Variants in ZNF850 observed in about 807,000 individuals in gnomAD.
ZNF850 encodes the protein putative zinc finger protein ENSP00000330994.
In ZNF850, 2 loss-of-function variants were observed where a neutral mutation model predicts 11.9. That is an observed-to-expected ratio of 0.17 (90% confidence interval 0.07 to 0.53). The LOEUF is 0.53. Among genes scored for constraint, ZNF850 ranks in the 20% least tolerant of loss-of-function variants. The probability of loss-of-function intolerance (pLI) is 0.94; values close to 1 mark genes in which losing one functional copy is unlikely to be tolerated. For synonymous variants in ZNF850, 381 were observed against 443.0 expected, an observed-to-expected ratio of 0.86 and a Z score of 1.76; for missense variants, 1,014 against 1,316.4, an observed-to-expected ratio of 0.77 and a Z score of 3.55.
In ZNF850 at chr19:36,750,697, A is replaced by G; in HGVS notation, c.343T>C (p.Ser115Pro). The G allele has an allele frequency of 2.0e-6, 3 of 1,536,222 alleles. No homozygotes were observed. Among genetic ancestry groups the G allele is most frequent in the Non-Finnish European group, 2.6e-6 (3 of 1,146,926 alleles). ...RMEKCHSLVG[S>P]SVRDDWECKG... ...CATTCCCAGTCATCTCTGACACTGG[A>G]GCCCACAAGGCTATGACATTTTTCC... is the stretch of plus-strand genomic sequence containing the variant. The change falls in exon 5 of 5, where the codon TCC becomes CCC. Residue 115 changes from serine to proline, a missense_variant. This residue lies in a region of ZNF850 where 835 missense variants were observed against 1,022.0 expected (regional missense o/e 0.82). Coordinates refer to ENST00000591344, the MANE Select transcript of ZNF850 (RefSeq NM_001193552.2).
Position 36,762,577 on chromosome 19 carries a change from G to A in ZNF850, c.12+18C>T. ...AGTGGGGAAGAGTAAAAAAATTAGT[G>A]TAACTTCAACAAAGTACCTCCATGT... On this transcript the variant is annotated intron_variant, in intron 2 of 4. Coordinates refer to ENST00000591344, the MANE Select transcript of ZNF850 (RefSeq NM_001193552.2). The A allele has an allele frequency of 1.3e-6, 2 of 1,535,984 alleles. No individual in the cohort carries two copies. The highest frequency in any genetic ancestry group is 3.3e-4 in the Middle Eastern group (2 of 5,982).
intron 1 of ZNF850, among the ~76,000 whole-genome samples, chr19:36,766,012 C>A (rs2040547272): frequency 6.6e-6 from 1 of 152,106 alleles, no homozygotes; most frequent in African/African-American, 2.4e-5. Flanking sequence ...CCTCAGCCAT[C>A]AAAGTAGCTA....
At position 36,750,024 on chromosome 19, in the gene ZNF850, CA is replaced by C; in HGVS notation, c.1015del (p.Cys339ValfsTer14). 1 of 1,544,644 alleles carries C rather than the reference CA, an allele frequency of 6.5e-7. No individual in the cohort carries two copies. The highest frequency in any genetic ancestry group is 2.4e-5 in the East Asian group (1 of 41,038). On this transcript the variant is annotated frameshift_variant, in exon 5 of 5. Coordinates refer to ENST00000591344, the MANE Select transcript of ZNF850 (RefSeq NM_001193552.2). LOFTEE classifies it low-confidence loss of function (END_TRUNC). ...AGCAAAAGATTTTCCACATTCCTTA[CA>C]ATCATACGGTTTCTCACCAGTGTGA... ...QIHTGEKPYD[C>X]KECGKSFASG...
At chr19:36,761,793 C>G in intron 3 of ZNF850, 55 bp from the exon 4 acceptor site, 1 of 1,130,344 alleles carries the variant, frequency 8.8e-7, no homozygotes, top group Non-Finnish European at 1.3e-6. Flanking sequence ...CTCCTATAAT[C>G]CCAGCACTTT....
intron 4 of ZNF850, 45 bp downstream of exon 4, chr19:36,761,598 C>T: frequency 8.5e-7 from 1 of 1,172,772 alleles, no homozygotes; most frequent in Middle Eastern, 1.9e-4. Flanking sequence ...GACAGGCTGG[C>T]TTCTAAACAG....
At chr19:36,756,435 A>G (rs2040486765) in intron 4 of ZNF850, among the ~76,000 whole-genome samples, 1 of 152,220 alleles carries the variant, frequency 6.6e-6, no homozygotes, top group Admixed American at 6.5e-5. Context: ...ATGTATGTGT[A>G]TCTATGTGTG....
At chr19:36,757,699 G>A (rs1286370320) in intron 4 of ZNF850, among the ~76,000 whole-genome samples, 1 of 151,882 alleles carries the variant, frequency 6.6e-6, no homozygotes, top group Non-Finnish European at 1.5e-5. Flanking sequence ...TTTTAGTAGA[G>A]ATGTTGTTTC....
In ZNF850 at chr19:36,744,915, T is replaced by G; in HGVS notation, c.*2852A>C. ...TGGGCGGGTCATGAGGTCAGGAGAT[T>G]GAGACCATCCTGGCTAACATGGTGA... On this transcript the variant is annotated 3_prime_UTR_variant, in exon 5 of 5. Transcript: ENST00000591344. 1 of 152,118 alleles carries G rather than the reference T, an allele frequency of 6.6e-6. No homozygotes were observed. Among genetic ancestry groups the G allele is most frequent in the Middle Eastern group, 3.4e-3 (1 of 296 alleles). The allele number at this position is 152,118 out of a possible 1,614,324, so 9.4% of individuals were successfully genotyped here.
Position 36,749,271 on chromosome 19 carries a change from T to G in ZNF850, c.1769A>C (p.His590Pro). Residue 590 changes from histidine (H) to proline (P), a missense_variant, in exon 5 of 5, where the codon CAC becomes CCC. His to Pro is a moderately conservative substitution (Grantham distance 77). Coordinates refer to ENST00000591344, the MANE Select transcript of ZNF850 (RefSeq NM_001193552.2). ...AAAAGATTTTCCACATTCCTTACAG[T>G]GATAGGGTTTCTCACCAGTGTGAAT... ...QRIHTGEKPYHCKECGKSFTV... is the reference protein window; with the variant it reads ...QRIHTGEKPYPCKECGKSFTV... 6.3e-7 allele frequency: 1 copy of G among 1,575,758 alleles called. No homozygotes were observed. The highest frequency in any genetic ancestry group is 8.6e-7 in the Non-Finnish European group (1 of 1,164,372).
At position 36,748,965 on chromosome 19, in the gene ZNF850, C is replaced by A; in HGVS notation, c.2075G>T (p.Arg692Leu). 1 of 1,594,276 alleles carries A rather than the reference C, an allele frequency of 6.3e-7. No individual in the cohort carries two copies. Residue 692 changes from arginine (R) to leucine (L), a missense_variant, in exon 5 of 5, where the codon CGG (arginine) becomes CTG (leucine). Arg to Leu is a moderately radical substitution (Grantham distance 102, BLOSUM62 -2). This residue lies in a region of ZNF850 where 835 missense variants were observed against 1,022.0 expected (regional missense o/e 0.82). Transcript: ENST00000591344. ...AGGTTTCTCACCAGTATGAATTCTCCGATGTTGATTAAGGTATGTACGCTG... is the reference window on the plus strand; with the variant it reads ...AGGTTTCTCACCAGTATGAATTCTCAGATGTTGATTAAGGTATGTACGCTG... ...FRQRTYLNQH[R>L]RIHTGEKPYE...
Position 36,748,812 on chromosome 19 carries a change from G to T in ZNF850, c.2228C>A (p.Thr743Lys), listed in dbSNP as rs775068126. The change falls in exon 5 of 5, where the codon ACA becomes AAA. Residue 743 changes from threonine (T) to lysine (K), a missense_variant. By Grantham distance (78) the Thr-to-Lys change is moderately conservative. Around this residue, in one of 2 missense-constraint regions of ZNF850, gnomAD observed 835 missense variants for 1,022.0 expected, o/e 0.82. Transcript: ENST00000591344. ...ECGKSFTSHS[T>K]LIQHQQIHTG... ...GTGAATTTGCTGATGTTGAATTAGTGTTGAGTGAGAAGTAAAAGATTTCCC... is the reference window on the plus strand; with the variant it reads ...GTGAATTTGCTGATGTTGAATTAGTTTTGAGTGAGAAGTAAAAGATTTCCC... The T allele has an allele frequency of 6.5e-7, 1 of 1,547,836 alleles. No homozygotes were observed. Among genetic ancestry groups the T allele is most frequent in the South Asian group, 1.2e-5 (1 of 84,612 alleles).
intron 1 of ZNF850, among the ~76,000 whole-genome samples, chr19:36,768,143 C>T (rs1301795694): frequency 6.6e-6 from 1 of 151,238 alleles, no homozygotes; most frequent in Non-Finnish European, 1.5e-5. Flanking sequence ...TGGTGGTGTA[C>T]ATCTGTGAAC....
At chr19:36,764,588 G>A (rs1420395158) in intron 1 of ZNF850, among the ~76,000 whole-genome samples, 1 of 152,148 alleles carries the variant, frequency 6.6e-6, no homozygotes, top group African/African-American at 2.4e-5. Flanking sequence ...TTCAAAGATA[G>A]TCTTCCTTTG....
chr19:36,751,609 A>G (rs193096802), intron 4 of ZNF850, among the ~76,000 whole-genome samples: 1 of 149,182 alleles, frequency 6.7e-6, no homozygotes, highest in Non-Finnish European at 1.5e-5. Context: ...GAGACAGGAG[A>G]ATCACTTGAG....
At chr19:36,757,488 C>T (rs2040493337) in intron 4 of ZNF850, among the ~76,000 whole-genome samples, 1 of 146,516 alleles carries the variant, frequency 6.8e-6, no homozygotes, top group African/African-American at 2.5e-5. Context: ...GAAGCACAAA[C>T]AGGAAATATA....
chr19:36,752,170 C>A (rs572584414), intron 4 of ZNF850, among the ~76,000 whole-genome samples: 1 of 152,282 alleles, frequency 6.6e-6, no homozygotes, highest in East Asian at 1.9e-4. Context: ...ACATCTTCAT[C>A]CATTGAAGCC....
intron 4 of ZNF850, among the ~76,000 whole-genome samples, chr19:36,759,080 T>TAAAAAA (rs34625900): frequency 6.9e-6 from 1 of 145,880 alleles, no homozygotes; most frequent in Non-Finnish European, 1.5e-5. Flanking sequence ...AGACTCCGTC[T>TAAAAAA]AAAAAAAAAA....
Position 36,750,479 on chromosome 19 carries a change from C to G in ZNF850, c.561G>C (p.Gln187His), listed in dbSNP as rs1488831044. The change falls in exon 5 of 5, where the codon CAG (glutamine) becomes CAC (histidine). Residue 187 changes from glutamine to histidine, a missense_variant. By Grantham distance (24) the Gln-to-His change is conservative. Around this residue, in one of 2 missense-constraint regions of ZNF850, gnomAD observed 835 missense variants for 1,022.0 expected, o/e 0.82. Coordinates refer to ENST00000591344, the MANE Select transcript of ZNF850 (RefSeq NM_001193552.2). ...GTTTTTCACCAGTATGGGTTTCTTG[C>G]TGTTGTGTAAGTTCTGAGCCATACT... ...AFKYGSELTQ[Q>H]QETHTGEKLY... The G allele has an allele frequency of 6.5e-7, 1 of 1,536,140 alleles. No homozygotes were observed. Among genetic ancestry groups the G allele is most frequent in the African/African-American group, 1.4e-5 (1 of 73,010 alleles).
chr19:36,750,248 C>T lies in ZNF850; in HGVS notation c.792G>A (p.Pro264=), dbSNP rs568650132. ...ECQESVKAFR[P]SAHLIQHWRI... ...TCCAATGTTGAATAAGATGTGCAGA[C>T]GGTCTAAAGGCCTTCACGGATTCCT... Residue 264 remains proline, a synonymous_variant, in exon 5 of 5, where the codon CCG becomes CCA. Transcript: ENST00000591344. 1.2e-4 allele frequency: 180 copies of T among 1,537,594 alleles called. 1 individual carries two copies. The highest frequency in any genetic ancestry group is 5.2e-4 in the South Asian group (44 of 84,064).
Sources: allele counts gnomAD v4.1 joint callset (sites outside exome capture counted in the v4.1 genomes callset), GRCh38; gene constraint gnomAD v4.1.1; regional missense constraint gnomAD v4.1.1; transcripts MANE v1.5; gene names NCBI Gene and HGNC (gene_info 2026-07-23, HGNC 2026-07-21).